The following CADM1 variants were observed in gnomAD, a reference collection of about 807,000 sequenced individuals.
CADM1 encodes cell adhesion molecule 1.
In CADM1, 15 loss-of-function variants were observed where a neutral mutation model predicts 53.1. That is an observed-to-expected ratio of 0.28 (90% CI 0.19 to 0.44). CADM1 has a LOEUF of 0.44. Ranked by LOEUF, CADM1 falls within the 20% of genes least tolerant of loss-of-function variation. The pLI is 1.00. For missense variants in CADM1, 434 were observed against 611.3 expected, an observed-to-expected ratio of 0.71 and a Z score of 3.06; for synonymous variants, 281 against 243.0, an observed-to-expected ratio of 1.16 and a Z score of -1.45.
intron 1 of CADM1, among the ~76,000 whole-genome samples, chr11:115,262,614 C>T (rs576781824): frequency 2.6e-5 from 4 of 152,288 alleles, no homozygotes; most frequent in South Asian, 2.1e-4. Flanking sequence ...CCAGGCATTG[C>T]GTACCAAGCT....
intron 7 of CADM1, among the ~76,000 whole-genome samples, chr11:115,211,498 T>A (rs1940959644): frequency 6.7e-6 from 1 of 148,984 alleles, no homozygotes; most frequent in African/African-American, 2.5e-5. Context: ...TTTTTTTTTT[T>A]AGACGGAGTC....
intron 1 of CADM1, among the ~76,000 whole-genome samples, chr11:115,440,943 T>G (rs1182631844): frequency 6.6e-6 from 1 of 151,960 alleles, no homozygotes; most frequent in Non-Finnish European, 1.5e-5. Context: ...CACACCTAAC[T>G]AATTTTTTTA....
intron 9 of CADM1, among the ~76,000 whole-genome samples, chr11:115,194,632 A>C (rs1339430771): frequency 6.6e-6 from 1 of 152,184 alleles, no homozygotes; most frequent in Non-Finnish European, 1.5e-5. Flanking sequence ...GGACAGGTAG[A>C]CTTGAAAATA....
At chr11:115,470,841 C>T (rs1948996043) in intron 1 of CADM1, among the ~76,000 whole-genome samples, 1 of 152,156 alleles carries the variant, frequency 6.6e-6, no homozygotes, top group South Asian at 2.1e-4. Flanking sequence ...ATGAAGTAGA[C>T]AGTATTATCC....
chr11:115,477,061 C>G (rs181520063), intron 1 of CADM1, among the ~76,000 whole-genome samples: 1 of 151,786 alleles, frequency 6.6e-6, no homozygotes, highest in Non-Finnish European at 1.5e-5. Flanking sequence ...AGAACAGAGT[C>G]GGGCAGGATA....
intron 1 of CADM1, among the ~76,000 whole-genome samples, chr11:115,499,821 T>G (rs1949693761): frequency 6.6e-6 from 1 of 152,242 alleles, no homozygotes; most frequent in African/African-American, 2.4e-5. Context: ...CCTCAAAAGG[T>G]AATATTTTTA....
At chr11:115,281,122 T>G (rs767175294) in intron 1 of CADM1, among the ~76,000 whole-genome samples, 1 of 152,238 alleles carries the variant, frequency 6.6e-6, no homozygotes, top group Non-Finnish European at 1.5e-5. Flanking sequence ...TCTTTCATTA[T>G]GGAAAAGGGC....
chr11:115,394,135 C>G (rs1352132054), intron 1 of CADM1, among the ~76,000 whole-genome samples: 2 of 152,092 alleles, frequency 1.3e-5, no homozygotes, highest in Non-Finnish European at 2.9e-5. Flanking sequence ...TCTGCACATG[C>G]TCATTGGAAA....
intron 6 of CADM1, 97 bp from the exon 7 acceptor site, chr11:115,214,877 A>G (rs1941111992): frequency 8.7e-7 from 1 of 1,152,022 alleles, no homozygotes; most frequent in African/African-American, 1.5e-5. Context: ...ATGAGGACCT[A>G]CTGGAGATAT....
intron 1 of CADM1, among the ~76,000 whole-genome samples, chr11:115,284,087 A>ACACTCTCTCTCTCTCTCT (rs1555055854): frequency 6.7e-4 from 32 of 47,576 alleles, no homozygotes; most frequent in Admixed American, 1.1e-3. Flanking sequence ...AAGCCCAGAC[A>ACACTCTCTCTCTCTCTCT]CTCTCTCTCT....
At chr11:115,184,356 T>A (rs1238785813) in intron 10 of CADM1, among the ~76,000 whole-genome samples, 1 of 152,224 alleles carries the variant, frequency 6.6e-6, no homozygotes, top group Non-Finnish European at 1.5e-5. Context: ...CTGAATGGCA[T>A]GCGCTGACAA....
intron 10 of CADM1, among the ~76,000 whole-genome samples, chr11:115,186,856 C>T (rs955856530): frequency 3.3e-5 from 5 of 152,156 alleles, no homozygotes; most frequent in African/African-American, 1.2e-4. Context: ...AAGATTAACT[C>T]GTGTTTTGGG....
intron 1 of CADM1, among the ~76,000 whole-genome samples, chr11:115,437,686 G>T (rs1318540147): frequency 6.6e-6 from 1 of 152,142 alleles, no homozygotes; most frequent in Non-Finnish European, 1.5e-5. Flanking sequence ...AAATTCCAAA[G>T]TTGGACTACA....
intron 1 of CADM1, among the ~76,000 whole-genome samples, chr11:115,414,013 A>C (rs1288782036): frequency 6.6e-6 from 1 of 152,082 alleles, no homozygotes; most frequent in East Asian, 1.9e-4. Flanking sequence ...TCATGATATC[A>C]CACTCATAAG....
intron 1 of CADM1, among the ~76,000 whole-genome samples, chr11:115,293,294 G>A (rs566591731): frequency 1.3e-5 from 2 of 152,254 alleles, no homozygotes; most frequent in South Asian, 2.1e-4. Flanking sequence ...TTAGCTGGGC[G>A]TGGTGGCGGG....
At chr11:115,465,935 C>T (rs1283829645) in intron 1 of CADM1, among the ~76,000 whole-genome samples, 1 of 152,130 alleles carries the variant, frequency 6.6e-6, no homozygotes, top group Non-Finnish European at 1.5e-5. Flanking sequence ...AAGTAATTTA[C>T]AGACTTCTAG....
chr11:115,173,681 TTTTTTTTC>T lies in CADM1; in HGVS notation c.*2785_*2792del. The T allele has an allele frequency of 2.0e-6, 1 of 504,218 alleles. No individual in the cohort carries two copies. Among genetic ancestry groups the T allele is most frequent in the Non-Finnish European group, 2.5e-6 (1 of 405,414 alleles). 31.2% of individuals were successfully genotyped at this position (504,218 alleles called of 1,614,324 possible). On this transcript the variant is annotated 3_prime_UTR_variant, in exon 12 of 12. Coordinates refer to ENST00000331581, the MANE Select transcript of CADM1 (RefSeq NM_001301043.2). Reference sequence around the variant, plus strand: ...GAAGACAGATATTTTATAGTACTTCTTTTTTTTCTTTTTTTTTTTGTAAAAATGGTATA... The same window carrying T: ...GAAGACAGATATTTTATAGTACTTCTTTTTTTTTTTTGTAAAAATGGTATA...
chr11:115,184,535 T>C (rs1192524443), intron 10 of CADM1, among the ~76,000 whole-genome samples: 1 of 152,200 alleles, frequency 6.6e-6, no homozygotes, highest in Non-Finnish European at 1.5e-5. Context: ...AAGATGTTAA[T>C]ATATATTGGA....
chr11:115,308,139 C>CTGTG (rs1252309510), intron 1 of CADM1, among the ~76,000 whole-genome samples: 7 of 120,736 alleles, frequency 5.8e-5, no homozygotes, highest in African/African-American at 1.4e-4. Flanking sequence ...CAAACTCTCT[C>CTGTG]TCTGTGTGTG....
Sources: gnomAD v4.1 joint callset for allele counts (sites outside exome capture counted in the v4.1 genomes callset) on GRCh38, gnomAD v4.1.1 for gene constraint, MANE v1.5 for transcripts, NCBI Gene and HGNC (gene_info 2026-07-23, HGNC 2026-07-21) for gene names.